The following APOL4 variants were observed in gnomAD, a reference collection of about 807,000 sequenced individuals.
The protein encoded by APOL4 is apolipoprotein L, 4.
APOL4 carries 14 observed loss-of-function variants against 12.1 expected under a neutral mutation model. The observed-to-expected ratio is 1.16, with a 90% confidence interval of 0.76 to 1.81. The LOEUF (loss-of-function observed/expected upper bound fraction) is 1.81. APOL4 is among the 40% of genes most tolerant of loss of function. The probability of loss-of-function intolerance (pLI) is 0.00; values close to 1 mark genes in which losing one functional copy is unlikely to be tolerated. For synonymous variants in APOL4, 171 were observed against 160.6 expected, an observed-to-expected ratio of 1.06 and a Z score of -0.49; for missense variants, 432 against 423.1, an observed-to-expected ratio of 1.02 and a Z score of -0.18.
At chr22:36,192,503 G>T (rs928353893) in intron 3 of APOL4, among the ~76,000 whole-genome samples, 2 of 152,186 alleles carry the variant, frequency 1.3e-5, no homozygotes, top group Non-Finnish European at 2.9e-5. Context: ...TGCAAGGGAG[G>T]TCAATGCCAT....
At chr22:36,197,403 T>C in intron 2 of APOL4, 1 of 479,414 alleles carries the variant, frequency 2.1e-6, no homozygotes, top group Non-Finnish European at 3.4e-6. Context: ...TTTTTTCTTT[T>C]TCCTTCTTCA....
intron 2 of APOL4, chr22:36,197,528 G>T: frequency 7.3e-7 from 1 of 1,371,824 alleles, no homozygotes; most frequent in Non-Finnish European, 9.5e-7. Context: ...ATAAAAACCA[G>T]ACCTGAAACA....
Position 36,191,175 on chromosome 22 carries a change from G to T in APOL4, c.947C>A (p.Ala316Glu), listed in dbSNP as rs6000173. The stretch of plus-strand genomic sequence containing the variant: ...CAGCGACTCAGCAGACTCGGATTTT[G>T]CCCCCTTGTGCAAGTCCAGTGAGTC... ...VQDSLDLHKG[A>E]KSESAESLRQ... The change falls in exon 4 of 4, where the codon GCA becomes GAA. Residue 316 changes from alanine (A) to glutamate (E), a missense_variant. Coordinates refer to ENST00000683024, the MANE Select transcript of APOL4 (RefSeq NM_001386885.1). 0.52 allele frequency: 832,265 copies of T among 1,611,162 alleles called. 219,336 individuals carry two copies. Among genetic ancestry groups the T allele is most frequent in the East Asian group, 0.82 (36,553 of 44,796 alleles).
rs555258849 is a variant in APOL4, at chr22:36,201,702, G to A, written c.33C>T (p.Val11=). 2.4e-5 allele frequency: 38 copies of A among 1,607,084 alleles called. No individual in the cohort carries two copies. The East Asian group carries it at 4.9e-4, about 21-fold the overall frequency. The change falls in exon 1 of 4, where the codon GTC becomes GTT. Residue 11 remains valine, a splice_region_variant and synonymous_variant. Coordinates refer to ENST00000683024, the MANE Select transcript of APOL4 (RefSeq NM_001386885.1). MGSWVQLITS[V]GVQQNHPGWT... is the part of the protein sequence containing the mutation. ...GAGAGCTGGGGCCTCGGACTCACCC[G>A]ACGCTTGTGATGAGCTGCACCCAGG...
intron 2 of APOL4, among the ~76,000 whole-genome samples, chr22:36,199,107 C>T (rs1240838732): frequency 1.3e-5 from 2 of 152,190 alleles, no homozygotes; most frequent in African/African-American, 2.4e-5. Context: ...GGCCATGACC[C>T]GCTGAGGAGA....
rs2014175770 is a variant in APOL4 at position 36,189,244 on chromosome 22, T to A, written c.*1831A>T. 1 of 152,252 alleles carries A rather than the reference T, an allele frequency of 6.6e-6. No homozygotes were observed. The highest frequency in any genetic ancestry group is 2.4e-5 in the African/African-American group (1 of 41,456). 9.4% of individuals were successfully genotyped at this position (152,252 alleles called of 1,614,324 possible). A position where few individuals can be genotyped will look rare whatever the true frequency, so the allele number is the denominator to read the frequency against. On this transcript the variant is annotated 3_prime_UTR_variant, in exon 4 of 4. Coordinates refer to ENST00000683024, the MANE Select transcript of APOL4 (RefSeq NM_001386885.1). ...TTTCAGTTAATTTTCTGGCTCTTTGTCTACTATATATGAGCAACGAGACTT... is the reference window on the plus strand; with the variant it reads ...TTTCAGTTAATTTTCTGGCTCTTTGACTACTATATATGAGCAACGAGACTT...
chr22:36,199,294 C>G (rs764878054), intron 2 of APOL4, 36 bp downstream of exon 2: 4 of 1,613,522 alleles, frequency 2.5e-6, no homozygotes, highest in South Asian at 1.1e-5. Flanking sequence ...GAAGAGGAGG[C>G]GAGCCTACCA....
intron 2 of APOL4, among the ~76,000 whole-genome samples, chr22:36,195,968 C>G (rs919493742): frequency 2.0e-5 from 3 of 152,202 alleles, no homozygotes; most frequent in Admixed American, 2.0e-4. Flanking sequence ...TGAAGCCACC[C>G]AGCTTGTGGC....
At position 36,195,291 on chromosome 22, in the gene APOL4, G is replaced by C. The variant is rs537364110; in HGVS notation, c.209+20C>G. ...TGGCATCACCGGGGTGCCCCAAGGA[G>C]GTAACCCCATGGAGGTTACCTGGGC... On this transcript the variant is annotated intron_variant, in intron 3 of 3. Coordinates refer to ENST00000683024, the MANE Select transcript of APOL4 (RefSeq NM_001386885.1). 1.4e-5 allele frequency: 23 copies of C among 1,611,690 alleles called. No homozygotes were observed. Among genetic ancestry groups the C allele is most frequent in the Middle Eastern group, 1.7e-4 (1 of 6,038 alleles).
chr22:36,191,579 C>G lies in APOL4; in HGVS notation c.543G>C (p.Thr181=). Residue 181 remains threonine, a synonymous_variant, in exon 4 of 4, where the codon ACG becomes ACC. Transcript: ENST00000683024. Reference sequence around the variant, plus strand: ...CCACGATGCTGGAGGCGATCCCAGCCGTGGCAGATGCTATTCCCAGCCCTA... The same window carrying G: ...CCACGATGCTGGAGGCGATCCCAGCGGTGGCAGATGCTATTCCCAGCCCTA... ...AGVGLGIASA[T]AGIASSIVEN... 5 of 1,613,652 alleles carry G rather than the reference C, an allele frequency of 3.1e-6. No individual in the cohort carries two copies. The Middle Eastern group carries it at 4.9e-4, about 160-fold the overall frequency.
chr22:36,196,854 C>T (rs1007422952), intron 2 of APOL4, among the ~76,000 whole-genome samples: 7 of 151,910 alleles, frequency 4.6e-5, no homozygotes, highest in Admixed American at 3.9e-4. Flanking sequence ...TTAAAAAATG[C>T]CTGTGGTTTC....
In APOL4 at chr22:36,191,041, G is replaced by A. The variant is rs569266011; in HGVS notation, c.*34C>T. ...TGCCATGGCTTCAGCCAGTCCCTCC[G>A]TTTGGGGTCCCTGACTTCCCGCAAC... On this transcript the variant is annotated 3_prime_UTR_variant, in exon 4 of 4. Coordinates refer to ENST00000683024, the MANE Select transcript of APOL4 (RefSeq NM_001386885.1). 43 of 1,539,154 alleles carry A rather than the reference G, an allele frequency of 2.8e-5. No individual in the cohort carries two copies. The highest frequency in any genetic ancestry group is 1.5e-4 in the African/African-American group (11 of 72,934).
intron 1 of APOL4, 57 bp from the exon 2 acceptor site, chr22:36,199,433 G>A: frequency 1.9e-6 from 3 of 1,613,676 alleles, no homozygotes; most frequent in Non-Finnish European, 2.5e-6. Context: ...TGGGCAAAGG[G>A]AGGCTTGAAC....
chr22:36,197,957 A>T (rs2014462533), intron 2 of APOL4: 2 of 1,361,072 alleles, frequency 1.5e-6, no homozygotes, highest in Non-Finnish European at 1.9e-6. Flanking sequence ...GTGCCACAGA[A>T]GTTCCATGCT....
In APOL4 at chr22:36,195,453, A is replaced by G. The variant is rs771987130; in HGVS notation, c.83-16T>C. ...CGTTTCTTTTCTAGTTGGAAACAAA[A>G]AGGATAAGATTGGAAGAAAGTTTGC... On this transcript the variant is annotated splice_polypyrimidine_tract_variant and intron_variant, in intron 2 of 3. Transcript: ENST00000683024. 4 of 1,611,534 alleles carry G rather than the reference A, an allele frequency of 2.5e-6. No homozygotes were observed. In the South Asian group the frequency reaches 4.4e-5, roughly 18 times the overall value.
At chr22:36,193,004 G>A (rs764491799) in intron 3 of APOL4, among the ~76,000 whole-genome samples, 7 of 152,150 alleles carry the variant, frequency 4.6e-5, no homozygotes, top group Admixed American at 1.3e-4. Flanking sequence ...TGCCCATCCC[G>A]TGCTTGCTGG....
At position 36,199,357 on chromosome 22, in the gene APOL4, C is replaced by T; in HGVS notation, c.55G>A (p.Gly19Ser). 1 of 1,614,114 alleles carries T rather than the reference C, an allele frequency of 6.2e-7. No homozygotes were observed. The highest frequency in any genetic ancestry group is 8.5e-7 in the Non-Finnish European group (1 of 1,179,928). The change falls in exon 2 of 4, where the codon GGC becomes AGC. Residue 19 changes from glycine to serine, a missense_variant. Gly to Ser is a moderately conservative substitution (Grantham distance 56). Coordinates refer to ENST00000683024, the MANE Select transcript of APOL4 (RefSeq NM_001386885.1). ...TGGAACTGTCCAGCCACTGTCCAGC[C>T]TGGATGGTTTTGCTGCACCCTTGAG... Reference protein sequence around the residue: ...TSVGVQQNHPGWTVAGQFQEK... With the variant: ...TSVGVQQNHPSWTVAGQFQEK...
chr22:36,192,248 G>A (rs984472686), intron 3 of APOL4, among the ~76,000 whole-genome samples: 1 of 152,166 alleles, frequency 6.6e-6, no homozygotes, highest in African/African-American at 2.4e-5. Context: ...GCTGAGGCAG[G>A]AGAATGGCAT....
intron 2 of APOL4, among the ~76,000 whole-genome samples, chr22:36,197,276 T>C (rs1395403692): frequency 1.3e-5 from 2 of 152,192 alleles, no homozygotes; most frequent in Non-Finnish European, 2.9e-5. Flanking sequence ...GGGCGGCCCC[T>C]GAGCAGAGCT....
Sources: allele counts gnomAD v4.1 joint callset (sites outside exome capture counted in the v4.1 genomes callset), GRCh38; gene constraint gnomAD v4.1.1; transcripts MANE v1.5; gene names NCBI Gene and HGNC (gene_info 2026-07-23, HGNC 2026-07-21).